The following C15orf39 variants were observed in gnomAD, a reference collection of about 807,000 sequenced individuals.
C15orf39 encodes uncharacterized protein C15orf39.
In C15orf39, 24 loss-of-function variants were observed where a neutral mutation model predicts 53.9. The ratio of observed to expected loss-of-function variants is 0.45; its 90% confidence interval spans 0.32 to 0.63. C15orf39 has a LOEUF of 0.63. Ranked by LOEUF, C15orf39 falls within the 20% of genes least tolerant of loss-of-function variation. The pLI is 0.04. For synonymous variants in C15orf39, 569 were observed against 576.5 expected (o/e 0.99, Z 0.19); for missense variants, 1,271 against 1,347.9 (o/e 0.94, Z 0.89).
intron 2 of C15orf39, among the ~76,000 whole-genome samples, chr15:75,209,932 T>C (rs1179708140): frequency 3.9e-5 from 6 of 152,124 alleles, no homozygotes; most frequent in Non-Finnish European, 7.4e-5. Context: ...GATGCCTTAA[T>C]GGGATGCAAA....
rs961278877 is a variant in C15orf39 at position 75,209,013 on chromosome 15, C to T, written c.2776+189C>T. The T allele has an allele frequency of 2.1e-4, 218 of 1,016,018 alleles. 1 individual carries two copies. The highest frequency in any genetic ancestry group is 2.8e-4 in the Non-Finnish European group (200 of 723,218). The allele number at this position is 1,016,018 out of a possible 1,614,324, so 62.9% of individuals were successfully genotyped here. A position where few individuals can be genotyped will look rare whatever the true frequency, so the allele number is the denominator to read the frequency against. Reference sequence around the variant, plus strand: ...AGACAATCAGTGAGCACCTTCATAGCCTCTTTTGTAGGCTTCTGAACATGC... The same window carrying T: ...AGACAATCAGTGAGCACCTTCATAGTCTCTTTTGTAGGCTTCTGAACATGC... On this transcript the variant is annotated intron_variant, in intron 2 of 2. Transcript: ENST00000394987.
rs199636677 is a variant in C15orf39, at chr15:75,210,857, G to A, written c.2885G>A (p.Arg962Lys). The A allele has an allele frequency of 3.3e-4, 532 of 1,613,718 alleles. 8 individuals are homozygous for A. In the East Asian group the frequency reaches 0.011, roughly 33 times the overall value. ...CAGAAGTCACCGGCCCCCAAGGTCA[G>A]GAAGCCAGGCAGGAAGCCACCAACC... The part of the protein sequence containing the change: ...LAQKSPAPKV[R>K]KPGRKPPTPG... The change falls in exon 3 of 3, where the codon AGG (arginine) becomes AAG (lysine). Residue 962 changes from arginine (R) to lysine (K), a missense_variant. Physicochemically the swap from Arg to Lys is conservative, Grantham distance 26 (BLOSUM62 2). Coordinates refer to ENST00000394987, the MANE Select transcript of C15orf39 (RefSeq NM_015492.5).
At position 75,208,538 on chromosome 15, in the gene C15orf39, G is replaced by T. The variant is rs752654635; in HGVS notation, c.2490G>T (p.Arg830=). Residue 830 remains arginine, a synonymous_variant, in exon 2 of 3, where the codon CGG becomes CGT. Coordinates refer to ENST00000394987, the MANE Select transcript of C15orf39 (RefSeq NM_015492.5). The stretch of plus-strand genomic sequence containing the variant: ...TGCAGCGCTTCGATCGCACCCACCG[G>T]TGCCCCTTCCCCCATGTGGTGCGAG... The part of the protein sequence containing the change: ...SQLQRFDRTH[R]CPFPHVVRAG... 9 of 1,575,028 alleles carry T rather than the reference G, an allele frequency of 5.7e-6. No homozygotes were observed. Among genetic ancestry groups the T allele is most frequent in the Middle Eastern group, 1.7e-4 (1 of 6,014 alleles).
In C15orf39 at chr15:75,208,215, C is replaced by G; in HGVS notation, c.2167C>G (p.Pro723Ala). ...AGCTGTGGCCTCCCCTGCCCCTGCTCCAGCTCCATCCCCTGCTCCGGCTCG... is the reference window on the plus strand; with the variant it reads ...AGCTGTGGCCTCCCCTGCCCCTGCTGCAGCTCCATCCCCTGCTCCGGCTCG... ...AVAVASPAPA[P>A]APSPAPARAQ... is the part of the protein sequence containing the mutation. The change falls in exon 2 of 3, where the codon CCA becomes GCA. Residue 723 changes from proline to alanine, a missense_variant. Physicochemically the swap from Pro to Ala is conservative, Grantham distance 27. Coordinates refer to ENST00000394987, the MANE Select transcript of C15orf39 (RefSeq NM_015492.5). The G allele has an allele frequency of 6.2e-7, 1 of 1,613,552 alleles. No individual in the cohort carries two copies. The highest frequency in any genetic ancestry group is 8.5e-7 in the Non-Finnish European group (1 of 1,179,862).
At chr15:75,210,668 ACT>A in intron 2 of C15orf39, 79 bp from the exon 3 acceptor site, 1 of 1,510,740 alleles carries the variant, frequency 6.6e-7, no homozygotes, top group East Asian at 2.3e-5. Flanking sequence ...GAGCAGAAGC[ACT>A]GTTTGGATGG....
upstream of C15orf39, among the ~76,000 whole-genome samples, chr15:75,201,434 C>T (rs563802492): frequency 1.3e-5 from 2 of 152,344 alleles, no homozygotes; most frequent in African/African-American, 4.8e-5. This position sits in a 1 kb window ranked among gnomAD's most constrained non-coding sequence, Gnocchi z 4.7. Context: ...ATCAAGGAGC[C>T]CTTCTCCAGC....
chr15:75,202,229 C>A (rs951290260), intron 1 of C15orf39, 170 bp downstream of exon 1: 3 of 152,206 alleles, frequency 2.0e-5, no homozygotes, highest in African/African-American at 4.8e-5. Flanking sequence ...GCCGGCCCCC[C>A]GCGAACGGGC....
Position 75,208,464 on chromosome 15 carries a change from C to T in C15orf39, c.2416C>T (p.Gln806Ter), listed in dbSNP as rs758469005. ...TGGGCCCTGGGGCCAGGCTGCGTGGCAGGACTGCCAGGGTGTGCAGGGGCT... is the reference window on the plus strand; with the variant it reads ...TGGGCCCTGGGGCCAGGCTGCGTGGTAGGACTGCCAGGGTGTGCAGGGGCT... ...TAGPWGQAAW[Q>*]DCQGVQGLLA... Residue 806 changes from glutamine (Q) to a stop codon, truncating the protein, a stop_gained, in exon 2 of 3, where the codon CAG becomes TAG. Transcript: ENST00000394987. LOFTEE classifies it high-confidence loss of function. 1.2e-5 allele frequency: 19 copies of T among 1,601,312 alleles called. No individual in the cohort carries two copies. Among genetic ancestry groups the T allele is most frequent in the Non-Finnish European group, 1.5e-5 (18 of 1,177,530 alleles).
In C15orf39 at chr15:75,211,297, G is replaced by C. The variant is rs756966695; in HGVS notation, c.*181G>C. The C allele has an allele frequency of 6.8e-6, 5 of 737,522 alleles. No individual in the cohort carries two copies. Among genetic ancestry groups the C allele is most frequent in the Non-Finnish European group, 1.1e-5 (5 of 474,514 alleles). 45.7% of individuals were successfully genotyped at this position (737,522 alleles called of 1,614,324 possible). ...GAGCCCCTGAGCTTTTAACGTGAGG[G>C]TCTTTATTGGATAGGACTACTCCCT... On this transcript the variant is annotated 3_prime_UTR_variant, in exon 3 of 3. Transcript: ENST00000394987.
Position 75,211,192 on chromosome 15 carries a change from A to C in C15orf39, c.*76A>C. 1 of 1,507,056 alleles carries C rather than the reference A, an allele frequency of 6.6e-7. No individual in the cohort carries two copies. The highest frequency in any genetic ancestry group is 8.9e-7 in the Non-Finnish European group (1 of 1,129,302). 93.4% of individuals were successfully genotyped at this position (1,507,056 alleles called of 1,614,324 possible). On this transcript the variant is annotated 3_prime_UTR_variant, in exon 3 of 3. Transcript: ENST00000394987. ...CTGCCTGCCCAGCTGCCCCGGGGCC[A>C]CGAGTGGATGCTGGGGCTGTGGCTG...
At chr15:75,199,888 A>G (rs1274675490), upstream of C15orf39, among the ~76,000 whole-genome samples, 4 of 152,234 alleles carry the variant, frequency 2.6e-5, no homozygotes, top group Non-Finnish European at 4.4e-5. Flanking sequence ...GCAAGACCAC[A>G]GTCCTGATAA....
At chr15:75,209,181 A>G in intron 2 of C15orf39, 2 of 244,172 alleles carry the variant, frequency 8.2e-6, no homozygotes, top group Non-Finnish European at 1.6e-5. Context: ...TAGCTGAGAT[A>G]ATTTCCCTGA....
At position 75,208,775 on chromosome 15, in the gene C15orf39, C is replaced by T. The variant is rs1214237726; in HGVS notation, c.2727C>T (p.Tyr909=). Residue 909 remains tyrosine, a synonymous_variant, in exon 2 of 3, where the codon TAC becomes TAT. Coordinates refer to ENST00000394987, the MANE Select transcript of C15orf39 (RefSeq NM_015492.5). ...CGCTGCGCCAGCTGCCGGACATTTACCCCGACCTTCTCGGCCTGCAGTGGC... is the reference window on the plus strand; with the variant it reads ...CGCTGCGCCAGCTGCCGGACATTTATCCCGACCTTCTCGGCCTGCAGTGGC... The part of the protein sequence containing the change: ...LLALRQLPDI[Y]PDLLGLQWRD... 1.2e-6 allele frequency: 2 copies of T among 1,607,770 alleles called. No homozygotes were observed. The highest frequency in any genetic ancestry group is 1.7e-6 in the Non-Finnish European group (2 of 1,179,660).
chr15:75,203,355 A>G (rs1421069371), intron 1 of C15orf39, among the ~76,000 whole-genome samples: 1 of 152,168 alleles, frequency 6.6e-6, no homozygotes, highest in Non-Finnish European at 1.5e-5. Flanking sequence ...CCTCTCAAGG[A>G]TGATCTGAGC....
intron 2 of C15orf39, among the ~76,000 whole-genome samples, chr15:75,210,276 G>T (rs1371496923): frequency 6.6e-6 from 1 of 152,164 alleles, no homozygotes; most frequent in Admixed American, 6.5e-5. Flanking sequence ...AGTTATCCCT[G>T]CCTTCCTTTG....
Position 75,206,048 on chromosome 15 carries a change from G to A in C15orf39, c.-1G>A, listed in dbSNP as rs544130198. The A allele has an allele frequency of 5.6e-6, 9 of 1,595,600 alleles. No individual in the cohort carries two copies. Among genetic ancestry groups the A allele is most frequent in the African/African-American group, 2.7e-5 (2 of 74,448 alleles). On this transcript the variant is annotated 5_prime_UTR_variant, in exon 2 of 3. Transcript: ENST00000394987. Reference sequence around the variant, plus strand: ...TAGGAGGGCTCGAAGCCTTCACAGCGATGGCAGAGAAGCGACCCCTGAGAA... The same window carrying A: ...TAGGAGGGCTCGAAGCCTTCACAGCAATGGCAGAGAAGCGACCCCTGAGAA...
In C15orf39 at chr15:75,208,273, C is replaced by T; in HGVS notation, c.2225C>T (p.Ala742Val). The change falls in exon 2 of 3, where the codon GCT (alanine) becomes GTT (valine). Residue 742 changes from alanine (A) to valine (V), a missense_variant. Physicochemically the swap from Ala to Val is moderately conservative, Grantham distance 64. Around this residue, in one of 2 missense-constraint regions of C15orf39, gnomAD observed 994 missense variants for 993.7 expected, o/e 1.00. Coordinates refer to ENST00000394987, the MANE Select transcript of C15orf39 (RefSeq NM_015492.5). ...GCTCCAGCTTCAGCCCGGGATCCAG[C>T]TCCAGCTCCAGCTCCAGTTGCAGGC... ...AQAPASARDP[A>V]PAPAPVAGPA... 1 of 1,582,690 alleles carries T rather than the reference C, an allele frequency of 6.3e-7. No homozygotes were observed.
chr15:75,207,468 C>G lies in C15orf39; in HGVS notation c.1420C>G (p.Pro474Ala), dbSNP rs2070449174. 1 of 1,613,676 alleles carries G rather than the reference C, an allele frequency of 6.2e-7. No homozygotes were observed. The highest frequency in any genetic ancestry group is 8.5e-7 in the Non-Finnish European group (1 of 1,179,980). Residue 474 changes from proline to alanine, a missense_variant, in exon 2 of 3, where the codon CCA (proline) becomes GCA (alanine). Pro to Ala is a conservative substitution (Grantham distance 27, BLOSUM62 -1). Around this residue, in one of 2 missense-constraint regions of C15orf39, gnomAD observed 994 missense variants for 993.7 expected, o/e 1.00. Coordinates refer to ENST00000394987, the MANE Select transcript of C15orf39 (RefSeq NM_015492.5). Reference sequence around the variant, plus strand: ...AGACAGTCCAGTTCCCTGTACCCCCCCAGCACTGCCCCCCTGTGCCCGGGA... The same window carrying G: ...AGACAGTCCAGTTCCCTGTACCCCCGCAGCACTGCCCCCCTGTGCCCGGGA... The part of the protein sequence containing the change: ...IRDSPVPCTP[P>A]ALPPCARECQ...
upstream of C15orf39, among the ~76,000 whole-genome samples, chr15:75,199,944 C>T (rs957510130): frequency 3.9e-5 from 6 of 152,190 alleles, no homozygotes; most frequent in African/African-American, 1.4e-4. Context: ...TGATTGCCTT[C>T]ATTCTCTATA....
Sources: gnomAD v4.1 joint callset for allele counts (sites outside exome capture counted in the v4.1 genomes callset) on GRCh38, gnomAD v4.1.1 for gene constraint, gnomAD v4.1.1 regional missense constraint, Gnocchi (gnomAD v3.1) non-coding constraint, MANE v1.5 for transcripts, NCBI Gene and HGNC (gene_info 2026-07-23, HGNC 2026-07-21) for gene names.